The following EPHA1 variants were observed in gnomAD, a reference collection of about 807,000 sequenced individuals.
The protein encoded by EPHA1 is EPH receptor A1.
Under a neutral mutation model 110.1 loss-of-function variants are expected in EPHA1, and 92 were observed. That is an observed-to-expected ratio of 0.84 (90% confidence interval 0.71 to 0.99). The LOEUF (loss-of-function observed/expected upper bound fraction) is 0.99. Ranked by LOEUF, EPHA1 falls within the 50% of genes least tolerant of loss-of-function variation. The pLI, the probability that EPHA1 is intolerant of heterozygous loss-of-function variation, is 0.00. For synonymous variants in EPHA1, 500 were observed against 516.1 expected, an observed-to-expected ratio of 0.97 and a Z score of 0.42; for missense variants, 1,204 against 1,285.4, an observed-to-expected ratio of 0.94 and a Z score of 0.97.
intron 6 of EPHA1, 38 bp from the exon 7 acceptor site, chr7:143,398,486 A>G (rs1361545740): frequency 6.2e-7 from 1 of 1,613,522 alleles, no homozygotes; most frequent in South Asian, 1.1e-5. Context: ...TATGTAAGGA[A>G]AAAGGAAATA....
In EPHA1 at chr7:143,398,796, C is replaced by CCCCGT. The variant is rs1246095345; in HGVS notation, c.1136_1140dup (p.Gly381ThrfsTer75). ...CCCACCCCACAGGGCTGGCAGGGCC[C>CCCCGT]CCCGTCCTGTGCTGTGCCCTGACAC... is the stretch of plus-strand genomic sequence containing the variant. On this transcript the variant is annotated frameshift_variant, in exon 6 of 18. Transcript: ENST00000275815. LOFTEE classifies it high-confidence loss of function. 6.2e-7 allele frequency: 1 copy of CCCCGT among 1,613,524 alleles called. No homozygotes were observed. Among genetic ancestry groups the CCCCGT allele is most frequent in the Non-Finnish European group, 8.5e-7 (1 of 1,180,004 alleles).
chr7:143,400,077 G>C, intron 3 of EPHA1, 24 bp from the exon 4 acceptor site: 1 of 1,564,988 alleles, frequency 6.4e-7, no homozygotes, highest in South Asian at 1.2e-5. Context: ...GGGGAAGAAA[G>C]GGGAGCAATG....
At position 143,401,652 on chromosome 7, in the gene EPHA1, C is replaced by T. The variant is rs1056658228; in HGVS notation, c.151-47G>A. On this transcript the variant is annotated intron_variant, in intron 2 of 17. Coordinates refer to ENST00000275815, the MANE Select transcript of EPHA1 (RefSeq NM_005232.5). This position sits in a 1 kb window ranked among gnomAD's most constrained non-coding sequence, Gnocchi z 4.1. ...CAGGGACCAGATCATCCCCTGCTCCCCAAACCCTTGGTTTTTAGAGCTGAT... is the reference window on the plus strand; with the variant it reads ...CAGGGACCAGATCATCCCCTGCTCCTCAAACCCTTGGTTTTTAGAGCTGAT... 2 of 1,584,414 alleles carry T rather than the reference C, an allele frequency of 1.3e-6. No individual in the cohort carries two copies. Among genetic ancestry groups the T allele is most frequent in the Admixed American group, 1.7e-5 (1 of 58,360 alleles).
At position 143,395,881 on chromosome 7, in the gene EPHA1, T is replaced by C. The variant is rs1049852885; in HGVS notation, c.1898-377A>G. Among the ~76,000 whole-genome samples the C allele has an allele frequency of 6.6e-6, 1 of 152,344 alleles. No individual in the cohort carries two copies. On this transcript the variant is annotated intron_variant, in intron 11 of 17. Coordinates refer to ENST00000275815, the MANE Select transcript of EPHA1 (RefSeq NM_005232.5). The surrounding 1 kb of genome is among the most constrained non-coding windows in gnomAD (Gnocchi z 4.7). ...TGGCCGCCTCTCTTCTGTGAGCTCC[T>C]CTGGTCCCAGCTTGCCTGGCTCAGC...
At chr7:143,392,554 C>T (rs1805118501) in intron 16 of EPHA1, among the ~76,000 whole-genome samples, 1 of 150,838 alleles carries the variant, frequency 6.6e-6, no homozygotes, top group African/African-American at 2.4e-5. Context: ...GAGCGCTCCC[C>T]CACCCCCCCA....
At chr7:143,405,839 A>G (rs1465870342) in intron 2 of EPHA1, among the ~76,000 whole-genome samples, 1 of 152,172 alleles carries the variant, frequency 6.6e-6, no homozygotes, top group Non-Finnish European at 1.5e-5. Context: ...TAGGACCCAG[A>G]GGGAAAGAAA....
At chr7:143,396,729 C>G in intron 10 of EPHA1, 3 of 547,952 alleles carry the variant, frequency 5.5e-6, no homozygotes, top group Non-Finnish European at 9.5e-6. Context: ...TCCACAAGGT[C>G]CGGGGCGGTG....
Position 143,399,840 on chromosome 7 carries a change from C to G in EPHA1, c.646G>C (p.Asp216His), listed in dbSNP as rs754557302. The G allele has an allele frequency of 6.2e-7, 1 of 1,608,082 alleles. No homozygotes were observed. The highest frequency in any genetic ancestry group is 1.7e-5 in the Admixed American group (1 of 58,960). Residue 216 changes from aspartate (D) to histidine (H), a missense_variant, in exon 4 of 18, where the codon GAC becomes CAC. Asp to His is a moderately conservative substitution (Grantham distance 81). Coordinates refer to ENST00000275815, the MANE Select transcript of EPHA1 (RefSeq NM_005232.5). Reference protein sequence around the residue: ...ETLNGLAQFPDTLPGPAGLVE... With the variant: ...ETLNGLAQFPHTLPGPAGLVE... ...AACCCAGCGGGGCCAGGCAGAGTGT[C>G]TGGGAATTGGGCCAAGCCATTCAGG...
intron 2 of EPHA1, among the ~76,000 whole-genome samples, chr7:143,405,418 C>G (rs576590486): frequency 7.0e-6 from 1 of 142,962 alleles, no homozygotes; most frequent in African/African-American, 2.6e-5. Flanking sequence ...GACCTGAATG[C>G]CTGCGTGTGC....
chr7:143,396,508 C>G lies in EPHA1; in HGVS notation c.1774G>C (p.Asp592His), dbSNP rs781449260. Residue 592 changes from aspartate (D) to histidine (H), a missense_variant and splice_region_variant, in exon 11 of 18, where the codon GAC becomes CAC. Physicochemically the swap from Asp to His is moderately conservative, Grantham distance 81. Coordinates refer to ENST00000275815, the MANE Select transcript of EPHA1 (RefSeq NM_005232.5). ...RDRATDVDRE[D>H]KLWLKPYVDL... Reference sequence around the variant, plus strand: ...ACATAAGGCTTCAGCCACAGCTTGTCCTCTATGGGCAGAACATGAGGTTGG... The same window carrying G: ...ACATAAGGCTTCAGCCACAGCTTGTGCTCTATGGGCAGAACATGAGGTTGG... 1.9e-6 allele frequency: 3 copies of G among 1,613,668 alleles called. No individual in the cohort carries two copies. The highest frequency in any genetic ancestry group is 1.3e-5 in the African/African-American group (1 of 74,926).
At position 143,395,273 on chromosome 7, in the gene EPHA1, T is replaced by C. The variant is rs1805211951; in HGVS notation, c.2083+46A>G. The C allele has an allele frequency of 1.2e-6, 2 of 1,613,728 alleles. No individual in the cohort carries two copies. Among genetic ancestry groups the C allele is most frequent in the Non-Finnish European group, 8.5e-7 (1 of 1,179,892 alleles). On this transcript the variant is annotated intron_variant, in intron 12 of 17. Transcript: ENST00000275815. This position sits in a 1 kb window ranked among gnomAD's most constrained non-coding sequence, Gnocchi z 4.7. Reference sequence around the variant, plus strand: ...TCCACTTCCAGTGGTTTCACCCCTCTTTCCTGCATTTCCCGCCCCCAGCTG... The same window carrying C: ...TCCACTTCCAGTGGTTTCACCCCTCCTTCCTGCATTTCCCGCCCCCAGCTG...
At chr7:143,391,560 A>G (rs766470036) in intron 17 of EPHA1, 25 bp from the exon 18 acceptor site, 1 of 1,614,124 alleles carries the variant, frequency 6.2e-7, no homozygotes, top group African/African-American at 1.3e-5. Context: ...GGGTGGGGGC[A>G]TGAGTCCGGA....
intron 10 of EPHA1, 117 bp from the exon 11 acceptor site, chr7:143,396,627 G>A (rs1190970528): frequency 2.3e-6 from 3 of 1,328,876 alleles, no homozygotes; most frequent in Non-Finnish European, 3.1e-6. Flanking sequence ...TTCCCAAGGT[G>A]ACTCCTGTTT....
In EPHA1 at chr7:143,398,072, T is replaced by A. The variant is rs755206799; in HGVS notation, c.1465-2A>T. ...AACCATCTGGTACCGTTCTTCATCC[T>A]GTGGGTTGGAGTTGCATTAAGTGGG... On this transcript the variant is annotated splice_acceptor_variant, in intron 7 of 17. Transcript: ENST00000275815. LOFTEE classifies it high-confidence loss of function. 6 of 1,613,820 alleles carry A rather than the reference T, an allele frequency of 3.7e-6. No individual in the cohort carries two copies. In the African/African-American group the frequency reaches 5.3e-5, roughly 14 times the overall value.
intron 11 of EPHA1, 94 bp downstream of exon 11, chr7:143,396,291 C>T: frequency 1.3e-6 from 2 of 1,488,366 alleles, no homozygotes; most frequent in South Asian, 2.6e-5. Flanking sequence ...GCCAGCTGGG[C>T]TGCCCAGGGA....
Position 143,399,844 on chromosome 7 carries a change from G to A in EPHA1, c.642C>T (p.Phe214=). ...CPETLNGLAQ[F]PDTLPGPAGL... ...CAGCGGGGCCAGGCAGAGTGTCTGGGAATTGGGCCAAGCCATTCAGGGTCT... is the reference window on the plus strand; with the variant it reads ...CAGCGGGGCCAGGCAGAGTGTCTGGAAATTGGGCCAAGCCATTCAGGGTCT... The change falls in exon 4 of 18, where the codon TTC becomes TTT. Residue 214 remains phenylalanine (F), a synonymous_variant. Transcript: ENST00000275815. 2 of 1,607,410 alleles carry A rather than the reference G, an allele frequency of 1.2e-6. No homozygotes were observed. The highest frequency in any genetic ancestry group is 1.7e-6 in the Non-Finnish European group (2 of 1,176,762).
chr7:143,403,426 T>C (rs1805473187), intron 2 of EPHA1, among the ~76,000 whole-genome samples: 1 of 152,188 alleles, frequency 6.6e-6, no homozygotes, highest in African/African-American at 2.4e-5. Flanking sequence ...CTTACTTTTT[T>C]TTTTTAAAGC....
intron 11 of EPHA1, 136 bp downstream of exon 11, chr7:143,396,245 AGAGT>A: frequency 1.7e-6 from 2 of 1,192,560 alleles, no homozygotes; most frequent in South Asian, 1.5e-5. Flanking sequence ...AGAGCAGAGC[AGAGT>A]GAGTACCTCT....
chr7:143,396,694 A>G (rs552913671), intron 10 of EPHA1, 184 bp from the exon 11 acceptor site: 5 of 650,046 alleles, frequency 7.7e-6, no homozygotes, highest in Admixed American at 6.0e-5. Context: ...CTCCCTGTCT[A>G]TGCTCCAAGC....
Sources: allele counts gnomAD v4.1 joint callset (sites outside exome capture counted in the v4.1 genomes callset), GRCh38; gene constraint gnomAD v4.1.1; non-coding constraint Gnocchi (gnomAD v3.1); transcripts MANE v1.5; gene names NCBI Gene and HGNC (gene_info 2026-07-23, HGNC 2026-07-21).